The following GALNT14 variants were observed in gnomAD, a reference collection of about 807,000 sequenced individuals.
GALNT14 encodes polypeptide N-acetylgalactosaminyltransferase 14, also known as UDP-GalNAc:polypeptide N-acetylgalactosaminyltransferase 14.
Under a neutral mutation model 77.5 loss-of-function variants are expected in GALNT14, and 60 were observed. That is an observed-to-expected ratio of 0.77 (90% confidence interval 0.63 to 0.96). The LOEUF (loss-of-function observed/expected upper bound fraction) is 0.96, where lower values mean the gene tolerates loss of function less well. Among genes scored for constraint, GALNT14 ranks in the 40% least tolerant of loss-of-function variants. The pLI, the probability that GALNT14 is intolerant of heterozygous loss-of-function variation, is 0.00. For missense variants in GALNT14, 710 were observed against 731.0 expected (o/e 0.97, Z 0.33); for synonymous variants, 280 against 281.7 (o/e 0.99, Z 0.06).
intron 1 of GALNT14, among the ~76,000 whole-genome samples, chr2:31,014,296 T>A (rs921285709): frequency 1.3e-5 from 2 of 152,162 alleles, no homozygotes; most frequent in African/African-American, 2.4e-5. Context: ...GGGGTACCCA[T>A]CAGCTCTGGA....
chr2:30,923,360 T>C (rs1222806079), intron 13 of GALNT14, among the ~76,000 whole-genome samples: 2 of 152,132 alleles, frequency 1.3e-5, no homozygotes, highest in Non-Finnish European at 2.9e-5. Flanking sequence ...CACCGTACTT[T>C]AACGCAGTCA....
intron 1 of GALNT14, among the ~76,000 whole-genome samples, chr2:31,093,962 A>C (rs1676880005): frequency 6.6e-6 from 1 of 152,224 alleles, no homozygotes; most frequent in South Asian, 2.1e-4. Flanking sequence ...ACTTTAGTGC[A>C]ATAAGATCTA....
chr2:30,919,287 A>G (rs1041899404), intron 13 of GALNT14, among the ~76,000 whole-genome samples: 24 of 152,206 alleles, frequency 1.6e-4, no homozygotes, highest in Non-Finnish European at 2.5e-4. Flanking sequence ...GACATCTTCA[A>G]TACACACTCA....
intron 1 of GALNT14, chr2:31,114,880 G>A: frequency 2.8e-6 from 2 of 703,660 alleles, no homozygotes; most frequent in East Asian, 5.4e-5. Context: ...AGAGAGAACA[G>A]GTAACTAACA....
At chr2:30,993,353 C>T (rs1669834586) in intron 1 of GALNT14, among the ~76,000 whole-genome samples, 1 of 152,176 alleles carries the variant, frequency 6.6e-6, no homozygotes. Context: ...GTACCTTGCC[C>T]AAGATCCCAC....
intron 1 of GALNT14, among the ~76,000 whole-genome samples, chr2:31,122,901 GC>G (rs1224493577): frequency 6.6e-6 from 1 of 152,208 alleles, no homozygotes. Flanking sequence ...ACTTTATTGG[GC>G]CGGGTGCTGT....
chr2:30,887,883 T>C, the GALNT14 span, among the ~76,000 whole-genome samples: 4 of 152,190 alleles, frequency 2.6e-5, no homozygotes, highest in Admixed American at 2.6e-4. Context: ...AATTTGTGTT[T>C]ATAGTGTGAG....
intron 13 of GALNT14, among the ~76,000 whole-genome samples, chr2:30,918,642 T>TCGGGCAGGG (rs1558402334): frequency 1.4e-5 from 2 of 144,558 alleles, no homozygotes; most frequent in Non-Finnish European, 1.5e-5. Flanking sequence ...GAGGGTGGCA[T>TCGGGCAGGG]TGGGCAGGGA....
intron 2 of GALNT14, among the ~76,000 whole-genome samples, chr2:30,982,505 G>C (rs138365251): frequency 1.7e-4 from 26 of 152,324 alleles, no homozygotes; most frequent in African/African-American, 6.3e-4. Context: ...ACTGTGTCTT[G>C]CAAAATGTGG....
chr2:31,129,516 T>G lies in GALNT14; in HGVS notation c.129+8442A>C, dbSNP rs569322462. Reference sequence around the variant, plus strand: ...CAGCCATCAATTGGCCATCTATTAATAGCCAATTATCTGGGTGCCTTAATT... The same window carrying G: ...CAGCCATCAATTGGCCATCTATTAAGAGCCAATTATCTGGGTGCCTTAATT... On this transcript the variant is annotated intron_variant, in intron 1 of 14. Coordinates refer to ENST00000349752, the MANE Select transcript of GALNT14 (RefSeq NM_024572.4). 1.1e-5 allele frequency: 11 copies of G among 985,454 alleles called. No individual in the cohort carries two copies. In the African/African-American group the frequency reaches 1.7e-4, roughly 16 times the overall value. 61.0% of individuals were successfully genotyped at this position (985,454 alleles called of 1,614,324 possible).
chr2:31,131,919 C>T (rs369614146), intron 1 of GALNT14, among the ~76,000 whole-genome samples: 1 of 152,302 alleles, frequency 6.6e-6, no homozygotes, highest in South Asian at 2.1e-4. Flanking sequence ...CCTGCTTTGC[C>T]CCTCTGTCTT....
rs566706634 is a variant in GALNT14, at chr2:31,086,233, T to C, written c.129+51725A>G. 6.6e-5 allele frequency among the ~76,000 whole-genome samples: 10 copies of C among 152,320 alleles called. No individual in the cohort carries two copies. In the South Asian group the frequency reaches 1.7e-3, roughly 25 times the overall value. The stretch of plus-strand genomic sequence containing the variant: ...GACTAAACCTTGGTCTTCAGGCACA[T>C]AGAGTTGCTAGCACTCAACTTGCGG... On this transcript the variant is annotated intron_variant, in intron 1 of 14. Coordinates refer to ENST00000349752, the MANE Select transcript of GALNT14 (RefSeq NM_024572.4).
At chr2:30,911,990 G>C (rs1290871067) in intron 14 of GALNT14, among the ~76,000 whole-genome samples, 1 of 152,218 alleles carries the variant, frequency 6.6e-6, no homozygotes, top group Non-Finnish European at 1.5e-5. Context: ...GGTGTGGTCA[G>C]TGGAAATCAA....
intron 1 of GALNT14, among the ~76,000 whole-genome samples, chr2:31,109,683 T>A (rs1256965010): frequency 1.3e-5 from 2 of 152,202 alleles, no homozygotes; most frequent in East Asian, 3.8e-4. Context: ...TCATTAAACA[T>A]CTCTCTAGCT....
Position 30,992,863 on chromosome 2 carries a change from C to A in GALNT14, c.274G>T (p.Ala92Ser). Reference protein sequence around the residue: ...RESERISSNRAIPDTRHLRCT... With the variant: ...RESERISSNRSIPDTRHLRCT... The stretch of plus-strand genomic sequence containing the variant: ...CTCAGATGGCGAGTGTCCGGGATGG[C>A]CCGATTGCTGGAGATCCGCTCACTC... The change falls in exon 2 of 15, where the codon GCC becomes TCC. Residue 92 changes from alanine (A) to serine (S), a missense_variant. Transcript: ENST00000349752. 1 of 1,614,042 alleles carries A rather than the reference C, an allele frequency of 6.2e-7. No individual in the cohort carries two copies. Among genetic ancestry groups the A allele is most frequent in the Non-Finnish European group, 8.5e-7 (1 of 1,179,924 alleles).
chr2:30,972,402 G>A (rs1010958700), intron 2 of GALNT14, among the ~76,000 whole-genome samples: 12 of 152,144 alleles, frequency 7.9e-5, no homozygotes, highest in African/African-American at 2.2e-4. Flanking sequence ...TGGAGCTCCC[G>A]GTTTACAGTG....
At position 30,990,773 on chromosome 2, in the gene GALNT14, C is replaced by G. The variant is rs1022899686; in HGVS notation, c.299+2065G>C. On this transcript the variant is annotated intron_variant, in intron 2 of 14. Coordinates refer to ENST00000349752, the MANE Select transcript of GALNT14 (RefSeq NM_024572.4). ...GAGTAAGTTCTTTAAGTGTGAAATTCTCTGAGTAACACAATCCCAGCTCCC... is the reference window on the plus strand; with the variant it reads ...GAGTAAGTTCTTTAAGTGTGAAATTGTCTGAGTAACACAATCCCAGCTCCC... Among the ~76,000 whole-genome samples the G allele has an allele frequency of 7.9e-5, 12 of 152,180 alleles. No homozygotes were observed. The East Asian group carries it at 2.3e-3, about 29-fold the overall frequency.
chr2:31,061,141 C>T (rs1016777172), intron 1 of GALNT14, among the ~76,000 whole-genome samples: 1 of 152,172 alleles, frequency 6.6e-6, no homozygotes, highest in Non-Finnish European at 1.5e-5. Flanking sequence ...CCTTACCAGA[C>T]ATCCCATTTG....
At chr2:30,963,644 T>C (rs1232359494) in intron 3 of GALNT14, among the ~76,000 whole-genome samples, 1 of 152,122 alleles carries the variant, frequency 6.6e-6, no homozygotes, top group Non-Finnish European at 1.5e-5. Context: ...ATTGTAGAAA[T>C]GTGATAGAAT....
Sources: gnomAD v4.1 joint callset for allele counts (sites outside exome capture counted in the v4.1 genomes callset) on GRCh38, gnomAD v4.1.1 for gene constraint, MANE v1.5 for transcripts, NCBI Gene and HGNC (gene_info 2026-07-23, HGNC 2026-07-21) for gene names.